Variants in AFG3L2 observed in about 807,000 individuals in gnomAD.
AFG3L2 encodes the protein AFG3 like matrix AAA peptidase subunit 2, also known as mitochondrial inner membrane m-AAA protease component AFG3L2.
In AFG3L2, 54 loss-of-function variants were observed where a neutral mutation model predicts 94.5. The ratio of observed to expected loss-of-function variants is 0.57; its 90% confidence interval spans 0.46 to 0.72. The LOEUF (loss-of-function observed/expected upper bound fraction) is 0.72. Among genes scored for constraint, AFG3L2 ranks in the 30% least tolerant of loss-of-function variants. The probability of loss-of-function intolerance (pLI) is 0.00; values close to 1 mark genes in which losing one functional copy is unlikely to be tolerated. For missense variants in AFG3L2, 754 were observed against 994.9 expected, an observed-to-expected ratio of 0.76 and a Z score of 3.26; for synonymous variants, 377 against 365.5, an observed-to-expected ratio of 1.03 and a Z score of -0.36.
chr18:12,348,059 A>G (rs1450634256), intron 13 of AFG3L2, among the ~76,000 whole-genome samples: 1 of 152,192 alleles, frequency 6.6e-6, no homozygotes, highest in Non-Finnish European at 1.5e-5. Flanking sequence ...ACCTCCATGC[A>G]GAGGGCAGGT....
At chr18:12,334,889 A>C (rs1907692552) in intron 16 of AFG3L2, among the ~76,000 whole-genome samples, 1 of 152,222 alleles carries the variant, frequency 6.6e-6, no homozygotes, top group African/African-American at 2.4e-5. Context: ...GATCACTTCT[A>C]CTTCTAAAGC....
intron 10 of AFG3L2, among the ~76,000 whole-genome samples, chr18:12,352,741 G>C (rs975062175): frequency 6.6e-6 from 1 of 152,100 alleles, no homozygotes; most frequent in Non-Finnish European, 1.5e-5. Context: ...CCTTTTAAAA[G>C]AGCTGTTTGT....
chr18:12,332,356 C>T (rs770775889), intron 16 of AFG3L2, among the ~76,000 whole-genome samples: 4 of 152,042 alleles, frequency 2.6e-5, no homozygotes, highest in Non-Finnish European at 5.9e-5. Context: ...AACTCAGCCC[C>T]TCAAAGTACT....
At chr18:12,371,296 A>G (rs555956478) in intron 2 of AFG3L2, among the ~76,000 whole-genome samples, 20 of 151,656 alleles carry the variant, frequency 1.3e-4, no homozygotes, top group Non-Finnish European at 2.4e-4. Context: ...CCTGGGCGAC[A>G]AGAGCCAAAC....
intron 9 of AFG3L2, among the ~76,000 whole-genome samples, chr18:12,356,415 G>C (rs1170996229): frequency 6.6e-6 from 1 of 152,194 alleles, no homozygotes; most frequent in East Asian, 1.9e-4. Flanking sequence ...GCCTTCCAAA[G>C]TGCTGGAATT....
chr18:12,357,718 C>CAAGA (rs1908537027), intron 8 of AFG3L2, among the ~76,000 whole-genome samples: 4 of 152,116 alleles, frequency 2.6e-5, no homozygotes, highest in Admixed American at 2.6e-4. Context: ...CTGCCTCAGC[C>CAAGA]TCTTGAGCAG....
chr18:12,376,866 T>A, intron 1 of AFG3L2, 103 bp downstream of exon 1: 4 of 907,180 alleles, frequency 4.4e-6, no homozygotes, highest in Non-Finnish European at 5.9e-6. Flanking sequence ...ACGGCCCGCG[T>A]GCGGCCGGAG....
chr18:12,330,047 G>A (rs1907468632), intron 16 of AFG3L2, among the ~76,000 whole-genome samples: 1 of 152,248 alleles, frequency 6.6e-6, no homozygotes, highest in African/African-American at 2.4e-5. Context: ...TAATGAGGAG[G>A]AAGCTGGCCG....
intron 1 of AFG3L2, among the ~76,000 whole-genome samples, chr18:12,376,140 A>C (rs1909148479): frequency 6.6e-6 from 1 of 152,118 alleles, no homozygotes; most frequent in African/African-American, 2.4e-5. Context: ...CTCCCCTTAC[A>C]GTGAAGACGT....
chr18:12,342,335 T>C (rs904210551), intron 14 of AFG3L2: 1 of 152,238 alleles, frequency 6.6e-6, no homozygotes, highest in African/African-American at 2.4e-5. Flanking sequence ...GTGTGCTTAA[T>C]GCCCACTCAT....
intron 5 of AFG3L2, among the ~76,000 whole-genome samples, chr18:12,366,662 G>A (rs971871115): frequency 6.6e-6 from 1 of 152,198 alleles, no homozygotes; most frequent in Non-Finnish European, 1.5e-5. Flanking sequence ...AGCAGGGGCA[G>A]CTGAGGGCAC....
intron 16 of AFG3L2, among the ~76,000 whole-genome samples, chr18:12,331,006 C>T (rs1034209637): frequency 1.5e-4 from 23 of 152,210 alleles, no homozygotes; most frequent in African/African-American, 5.6e-4. Context: ...GCCAATCAAG[C>T]AGTCATGCAC....
At chr18:12,348,133 C>T in intron 13 of AFG3L2, 140 bp downstream of exon 13, 1 of 735,228 alleles carries the variant, frequency 1.4e-6, no homozygotes, top group South Asian at 1.5e-5. Flanking sequence ...GCCATGACAC[C>T]AAGAGAGCAC....
chr18:12,358,857 C>T lies in AFG3L2; in HGVS notation c.839G>A (p.Arg280Gln). 3 of 1,614,232 alleles carry T rather than the reference C, an allele frequency of 1.9e-6. No individual in the cohort carries two copies. The highest frequency in any genetic ancestry group is 2.5e-6 in the Non-Finnish European group (3 of 1,180,052). Residue 280 changes from arginine to glutamine, a missense_variant, in exon 8 of 17, where the codon CGG becomes CAG. This residue lies in a region of AFG3L2 where 130 missense variants were observed against 175.1 expected (regional missense o/e 0.74). Coordinates refer to ENST00000269143, the MANE Select transcript of AFG3L2 (RefSeq NM_006796.3). Reference protein sequence around the residue: ...TIRRGPAGIGRTGRGMGGLFS... With the variant: ...TIRRGPAGIGQTGRGMGGLFS... ...GAGTCCGCCCATCCCTCGGCCTGTC[C>T]GGCCAATGCCAGCAGGCCCTCTTCT...
chr18:12,371,834 A>T (rs1909001256), intron 1 of AFG3L2, 143 bp from the exon 2 acceptor site: 2 of 701,898 alleles, frequency 2.8e-6, no homozygotes, highest in Non-Finnish European at 5.0e-6. Context: ...TCCCTTAGTG[A>T]GGACTAGGAT....
chr18:12,341,978 T>G (rs1907967116), intron 14 of AFG3L2: 1 of 152,228 alleles, frequency 6.6e-6, no homozygotes, highest in African/African-American at 2.4e-5. Flanking sequence ...GTGATTCTCC[T>G]GCCTCAGTCT....
chr18:12,350,599 T>C (rs1249552667), intron 12 of AFG3L2, among the ~76,000 whole-genome samples: 2 of 152,234 alleles, frequency 1.3e-5, no homozygotes, highest in Non-Finnish European at 2.9e-5. Context: ...TACAGATGGG[T>C]TCATTACACC....
At chr18:12,343,714 G>C (rs1289324395) in intron 14 of AFG3L2, 1 of 224,770 alleles carries the variant, frequency 4.4e-6, no homozygotes, top group African/African-American at 2.3e-5. Flanking sequence ...TCTTGCTTCT[G>C]GGATTTTCCT....
chr18:12,367,434 T>G lies in AFG3L2; in HGVS notation c.293-52A>C, dbSNP rs756556845. On this transcript the variant is annotated intron_variant, in intron 3 of 16. Transcript: ENST00000269143. ...GAAGCACGGCAAGGTTTTAGCTCTCTCAGCAATGTCTTCATGTATACGGTT... is the reference window on the plus strand; with the variant it reads ...GAAGCACGGCAAGGTTTTAGCTCTCGCAGCAATGTCTTCATGTATACGGTT... The G allele has an allele frequency of 1.7e-5, 26 of 1,529,530 alleles. No individual in the cohort carries two copies. In the East Asian group the frequency reaches 5.8e-4, roughly 34 times the overall value. 94.7% of individuals were successfully genotyped at this position (1,529,530 alleles called of 1,614,324 possible).
Sources: gnomAD v4.1 joint callset for allele counts (sites outside exome capture counted in the v4.1 genomes callset) on GRCh38, gnomAD v4.1.1 for gene constraint, gnomAD v4.1.1 regional missense constraint, MANE v1.5 for transcripts, NCBI Gene and HGNC (gene_info 2026-07-23, HGNC 2026-07-21) for gene names.